ELF3: variants seen among roughly 807,000 people sequenced by gnomAD.
ELF3 encodes the protein E74 like ETS transcription factor 3, also known as ETS-related transcription factor Elf-3.
In ELF3, 18 loss-of-function variants were observed where a neutral mutation model predicts 43.9. That is an observed-to-expected ratio of 0.41 (90% CI 0.28 to 0.61). ELF3 has a LOEUF of 0.61. Among genes scored for constraint, ELF3 ranks in the 20% least tolerant of loss-of-function variants. The pLI is 0.30. For missense variants in ELF3, 373 were observed against 487.7 expected, an observed-to-expected ratio of 0.76 and a Z score of 2.21; for synonymous variants, 181 against 190.2, an observed-to-expected ratio of 0.95 and a Z score of 0.40.
rs773009663 is a variant in ELF3, at chr1:202,011,197, T to G, written c.61T>G (p.Ser21Ala). Residue 21 changes from serine to alanine, a missense_variant, in exon 2 of 9, where the codon TCG becomes GCG. Around this residue, in one of 3 missense-constraint regions of ELF3, gnomAD observed 311 missense variants for 351.2 expected, o/e 0.89. Transcript: ENST00000367284. ...CAACTACTTCAGTGCGATGTACAGC[T>G]CGGAGGACTCCACCCTGGCCTCTGT... ...FSNYFSAMYS[S>A]EDSTLASVPP... 2.5e-6 allele frequency: 4 copies of G among 1,614,066 alleles called. No individual in the cohort carries two copies. Among genetic ancestry groups the G allele is most frequent in the Non-Finnish European group, 2.5e-6 (3 of 1,179,988 alleles).
rs1167867815 is a variant in ELF3 at position 202,014,002 on chromosome 1, G to A, written c.979G>A (p.Glu327Lys). 1.9e-6 allele frequency: 3 copies of A among 1,612,584 alleles called. No homozygotes were observed. Among genetic ancestry groups the A allele is most frequent in the Non-Finnish European group, 2.5e-6 (3 of 1,179,090 alleles). Reference protein sequence around the residue: ...QKKKNSNMTYEKLSRAMRYYY... With the variant: ...QKKKNSNMTYKKLSRAMRYYY... ...GAAAAAGAACAGCAACATGACCTACGAGAAGCTGAGCCGGGCCATGAGGTG... is the reference window on the plus strand; with the variant it reads ...GAAAAAGAACAGCAACATGACCTACAAGAAGCTGAGCCGGGCCATGAGGTG... The change falls in exon 8 of 9, where the codon GAG becomes AAG. Residue 327 changes from glutamate to lysine, a missense_variant. By Grantham distance (56) the Glu-to-Lys change is moderately conservative. Transcript: ENST00000367284.
chr1:202,011,592 C>T (rs923422944), intron 2 of ELF3: 4 of 476,816 alleles, frequency 8.4e-6, no homozygotes, highest in African/African-American at 2.0e-5. Context: ...GCTGTGTGGG[C>T]TGGGAGTGGT....
chr1:202,011,345 C>A (rs768067883), intron 2 of ELF3, 46 bp downstream of exon 2: 1 of 1,515,078 alleles, frequency 6.6e-7, no homozygotes, highest in Non-Finnish European at 8.8e-7. Flanking sequence ...GGAGACAGAT[C>A]CATCTAAGGG....
chr1:202,016,549 A>G lies in ELF3; in HGVS notation c.*1226A>G. 1 of 150,342 alleles carries G rather than the reference A, an allele frequency of 6.7e-6. No individual in the cohort carries two copies. Among genetic ancestry groups the G allele is most frequent in the Admixed American group, 6.6e-5 (1 of 15,090 alleles). 9.3% of individuals were successfully genotyped at this position (150,342 alleles called of 1,614,324 possible). On this transcript the variant is annotated 3_prime_UTR_variant, in exon 9 of 9. Coordinates refer to ENST00000367284, the MANE Select transcript of ELF3 (RefSeq NM_004433.5). ...AAAAAAAAAAAACAAAACAAAATGGAGATGAGTACTTGCTGAGAAAGAATG... is the reference window on the plus strand; with the variant it reads ...AAAAAAAAAAAACAAAACAAAATGGGGATGAGTACTTGCTGAGAAAGAATG...
chr1:202,016,554 A>C lies in ELF3; in HGVS notation c.*1231A>C, dbSNP rs1684313346. ...AAAAAAACAAAACAAAATGGAGATG[A>C]GTACTTGCTGAGAAAGAATGAGGGA... On this transcript the variant is annotated 3_prime_UTR_variant, in exon 9 of 9. Coordinates refer to ENST00000367284, the MANE Select transcript of ELF3 (RefSeq NM_004433.5). 6.6e-6 allele frequency: 1 copy of C among 150,412 alleles called. No individual in the cohort carries two copies. Among genetic ancestry groups the C allele is most frequent in the South Asian group, 2.1e-4 (1 of 4,784 alleles). 9.3% of individuals were successfully genotyped at this position (150,412 alleles called of 1,614,324 possible).
Position 202,012,264 on chromosome 1 carries a change from C to A in ELF3, c.386-80C>A, listed in dbSNP as rs541274770. The A allele has an allele frequency of 6.9e-6, 11 of 1,604,002 alleles. No homozygotes were observed. The highest frequency in any genetic ancestry group is 7.7e-6 in the Non-Finnish European group (9 of 1,173,248). On this transcript the variant is annotated intron_variant, in intron 3 of 8. Transcript: ENST00000367284. The surrounding 1 kb of genome is among the most constrained non-coding windows in gnomAD (Gnocchi z 4.2). ...GTGTGGCCGTAGGCAGGCCCTGGAG[C>A]TCTGGGCCAGCTGCACAGCCAGAGA...
Position 202,013,125 on chromosome 1 carries a change from C to T in ELF3, c.689-57C>T. On this transcript the variant is annotated intron_variant, in intron 6 of 8. Transcript: ENST00000367284. The surrounding 1 kb of genome is among the most constrained non-coding windows in gnomAD (Gnocchi z 5.7). ...CCTGCAGCCTTTTCCTGTAGAGGGG[C>T]TACTCTCCCTAACTCCCCTCTTGCC... 1 of 1,605,054 alleles carries T rather than the reference C, an allele frequency of 6.2e-7. No homozygotes were observed. The highest frequency in any genetic ancestry group is 1.1e-5 in the South Asian group (1 of 89,670).
At chr1:202,014,971 A>G in intron 8 of ELF3, 1 of 481,164 alleles carries the variant, frequency 2.1e-6, no homozygotes, top group Non-Finnish European at 3.8e-6. Context: ...GGATACAAAG[A>G]AGCAAAGGCA....
rs1451312745 is a variant in ELF3 at position 202,010,706 on chromosome 1, G to A, written c.-9G>A. The A allele has an allele frequency of 1.9e-5, 3 of 160,440 alleles. No individual in the cohort carries two copies. Among genetic ancestry groups the A allele is most frequent in the African/African-American group, 7.2e-5 (3 of 41,662 alleles). The allele number at this position is 160,440 out of a possible 1,614,324, so 9.9% of individuals were successfully genotyped here. On this transcript the variant is annotated splice_region_variant and 5_prime_UTR_variant, in exon 1 of 9. Coordinates refer to ENST00000367284, the MANE Select transcript of ELF3 (RefSeq NM_004433.5). This position sits in a 1 kb window ranked among gnomAD's most constrained non-coding sequence, Gnocchi z 4.3. ...TGCCACAGCCGGACTCCGCCACTCC[G>A]GTAGGATTCCCCGCCTGTCATTCCC...
Position 202,011,170 on chromosome 1 carries a change from A to G in ELF3, c.34A>G (p.Ser12Gly), listed in dbSNP as rs749258420. 3 of 1,614,100 alleles carry G rather than the reference A, an allele frequency of 1.9e-6. No homozygotes were observed. In the East Asian group the frequency reaches 6.7e-5, roughly 36 times the overall value. ...AATCEISNIFSNYFSAMYSSE... is the reference protein window; with the variant it reads ...AATCEISNIFGNYFSAMYSSE... ...AACCTGTGAGATTAGCAACATTTTT[A>G]GCAACTACTTCAGTGCGATGTACAG... is the stretch of plus-strand genomic sequence containing the variant. The change falls in exon 2 of 9, where the codon AGC (serine) becomes GGC (glycine). Residue 12 changes from serine (S) to glycine (G), a missense_variant. Physicochemically the swap from Ser to Gly is moderately conservative, Grantham distance 56. This residue lies in a region of ELF3 where 311 missense variants were observed against 351.2 expected (regional missense o/e 0.89). Coordinates refer to ENST00000367284, the MANE Select transcript of ELF3 (RefSeq NM_004433.5).
intron 8 of ELF3, among the ~76,000 whole-genome samples, chr1:202,014,698 G>A (rs1266412914): frequency 6.6e-6 from 1 of 152,078 alleles, no homozygotes; most frequent in Non-Finnish European, 1.5e-5. Flanking sequence ...ACCTCTGCCT[G>A]CCGGGTTCAA....
In ELF3 at chr1:202,012,537, C is replaced by G; in HGVS notation, c.478+101C>G. 1 of 1,557,166 alleles carries G rather than the reference C, an allele frequency of 6.4e-7. No homozygotes were observed. The highest frequency in any genetic ancestry group is 1.9e-5 in the Admixed American group (1 of 51,814). On this transcript the variant is annotated intron_variant, in intron 4 of 8. Transcript: ENST00000367284. The surrounding 1 kb of genome is among the most constrained non-coding windows in gnomAD (Gnocchi z 4.2). ...ACCCCCTCCCCAGACTTCTTCCTCC[C>G]TCAATTAGAAAAATTGCAGCAGGTC...
Position 202,012,710 on chromosome 1 carries a change from C to G in ELF3, c.549C>G (p.Ser183Arg). 2 of 1,606,310 alleles carry G rather than the reference C, an allele frequency of 1.2e-6. 1 individual carries two copies. Among genetic ancestry groups the G allele is most frequent in the South Asian group, 2.2e-5 (2 of 90,336 alleles). ...GQQASPYHPG[S>R]CGAGAPSPGS... Reference sequence around the variant, plus strand: ...AAGCCAGCCCCTACCACCCCGGCAGCTGTGGCGCAGGAGCCCCCTCCCCTG... The same window carrying G: ...AAGCCAGCCCCTACCACCCCGGCAGGTGTGGCGCAGGAGCCCCCTCCCCTG... The change falls in exon 5 of 9, where the codon AGC becomes AGG. Residue 183 changes from serine (S) to arginine (R), a missense_variant. Physicochemically the swap from Ser to Arg is moderately radical, Grantham distance 110. This residue lies in a region of ELF3 where 311 missense variants were observed against 351.2 expected (regional missense o/e 0.89). Coordinates refer to ENST00000367284, the MANE Select transcript of ELF3 (RefSeq NM_004433.5). This position sits in a 1 kb window ranked among gnomAD's most constrained non-coding sequence, Gnocchi z 4.2.
rs1045813899 is a variant in ELF3 at position 202,016,551 on chromosome 1, A to T, written c.*1228A>T. On this transcript the variant is annotated 3_prime_UTR_variant, in exon 9 of 9. Transcript: ENST00000367284. ...AAAAAAAAAACAAAACAAAATGGAG[A>T]TGAGTACTTGCTGAGAAAGAATGAG... The T allele has an allele frequency of 1.3e-5, 2 of 150,364 alleles. No homozygotes were observed. The highest frequency in any genetic ancestry group is 1.5e-5 in the Non-Finnish European group (1 of 67,742). The allele number at this position is 150,364 out of a possible 1,614,324, so 9.3% of individuals were successfully genotyped here.
At position 202,015,594 on chromosome 1, in the gene ELF3, T is replaced by C. The variant is rs1571663958; in HGVS notation, c.*271T>C. ...GTATCTCCTTTTATCTGGTGCCTCCTCAAACCCAGTCTCAGACACTAAATG... is the reference window on the plus strand; with the variant it reads ...GTATCTCCTTTTATCTGGTGCCTCCCCAAACCCAGTCTCAGACACTAAATG... On this transcript the variant is annotated 3_prime_UTR_variant, in exon 9 of 9. Coordinates refer to ENST00000367284, the MANE Select transcript of ELF3 (RefSeq NM_004433.5). The C allele has an allele frequency of 2.3e-6, 1 of 436,082 alleles. No individual in the cohort carries two copies. The allele number at this position is 436,082 out of a possible 1,614,324, so 27.0% of individuals were successfully genotyped here.
Position 202,012,868 on chromosome 1 carries a change from G to A in ELF3, c.599-79G>A. On this transcript the variant is annotated intron_variant, in intron 5 of 8. Transcript: ENST00000367284. The surrounding 1 kb of genome is among the most constrained non-coding windows in gnomAD (Gnocchi z 4.2). ...TCTGGCAGGAACAGGAACAGGCTGG[G>A]AAGTGTGTCCTGAGAGCCAGCAGCG... 2 of 1,558,422 alleles carry A rather than the reference G, an allele frequency of 1.3e-6. No individual in the cohort carries two copies. The highest frequency in any genetic ancestry group is 1.7e-6 in the Non-Finnish European group (2 of 1,153,478).
rs1684313478 is a variant in ELF3 at position 202,016,569 on chromosome 1, A to G, written c.*1246A>G. 6.6e-6 allele frequency: 1 copy of G among 151,736 alleles called. No individual in the cohort carries two copies. The highest frequency in any genetic ancestry group is 2.1e-4 in the South Asian group (1 of 4,812). The allele number at this position is 151,736 out of a possible 1,614,324, so 9.4% of individuals were successfully genotyped here. A position where few individuals can be genotyped will look rare whatever the true frequency, so the allele number is the denominator to read the frequency against. ...AATGGAGATGAGTACTTGCTGAGAA[A>G]GAATGAGGGAAGGAGTTGGCATTTG... On this transcript the variant is annotated 3_prime_UTR_variant, in exon 9 of 9. Coordinates refer to ENST00000367284, the MANE Select transcript of ELF3 (RefSeq NM_004433.5).
chr1:202,012,413 A>C lies in ELF3; in HGVS notation c.455A>C (p.Glu152Ala). ...GAGAAGGATGGCATGGCCTTCCAGG[A>C]GGCCCTAGACCCAGGGCCCTTTGGT... is the stretch of plus-strand genomic sequence containing the variant. ...LLEKDGMAFQEALDPGPFDQG... is the reference protein window; with the variant it reads ...LLEKDGMAFQAALDPGPFDQG... The change falls in exon 4 of 9, where the codon GAG becomes GCG. Residue 152 changes from glutamate (E) to alanine (A), a missense_variant. Glu to Ala is a moderately radical substitution (Grantham distance 107, BLOSUM62 -1). This residue lies in a region of ELF3 where 311 missense variants were observed against 351.2 expected (regional missense o/e 0.89). Transcript: ENST00000367284. This position sits in a 1 kb window ranked among gnomAD's most constrained non-coding sequence, Gnocchi z 4.2. 1 of 1,614,068 alleles carries C rather than the reference A, an allele frequency of 6.2e-7. No individual in the cohort carries two copies. Among genetic ancestry groups the C allele is most frequent in the South Asian group, 1.1e-5 (1 of 91,082 alleles).
At position 202,015,315 on chromosome 1, in the gene ELF3, C is replaced by T. The variant is rs748296702; in HGVS notation, c.1108C>T (p.Arg370Trp). Residue 370 changes from arginine to tryptophan, a missense_variant, in exon 9 of 9, where the codon CGG (arginine) becomes TGG (tryptophan). Around this residue, in one of 3 missense-constraint regions of ELF3, gnomAD observed 61 missense variants for 115.9 expected, o/e 0.53. Coordinates refer to ENST00000367284, the MANE Select transcript of ELF3 (RefSeq NM_004433.5). ...GAAGGAGGAAGAGGTTCTCCAGAGT[C>T]GGAACTGAGGGTTGGAACTATACCC... Reference protein sequence around the residue: ...GWKEEEVLQSRN With the variant: ...GWKEEEVLQSWN The T allele has an allele frequency of 3.3e-5, 53 of 1,613,908 alleles. No individual in the cohort carries two copies. Among genetic ancestry groups the T allele is most frequent in the African/African-American group, 4.0e-5 (3 of 74,930 alleles).
Sources: gnomAD v4.1 joint callset for allele counts (sites outside exome capture counted in the v4.1 genomes callset) on GRCh38, gnomAD v4.1.1 for gene constraint, gnomAD v4.1.1 regional missense constraint, Gnocchi (gnomAD v3.1) non-coding constraint, MANE v1.5 for transcripts, NCBI Gene and HGNC (gene_info 2026-07-23, HGNC 2026-07-21) for gene names.